ROBO1: variants seen among roughly 807,000 people sequenced by gnomAD.
The protein encoded by ROBO1 is roundabout guidance receptor 1.
Under a neutral mutation model 195.9 loss-of-function variants are expected in ROBO1, and 149 were observed. That is an observed-to-expected ratio of 0.76 (90% confidence interval 0.67 to 0.87). The LOEUF (loss-of-function observed/expected upper bound fraction) is 0.87. ROBO1 is among the 40% of genes least tolerant of loss of function. The pLI is 0.00. For synonymous variants in ROBO1, 816 were observed against 733.2 expected (o/e 1.11, Z -1.82); for missense variants, 1,933 against 2,068.3 (o/e 0.93, Z 1.27).
chr3:79,673,092 C>A (rs1946677506), intron 1 of ROBO1, among the ~76,000 whole-genome samples: 1 of 151,962 alleles, frequency 6.6e-6, no homozygotes, highest in Admixed American at 6.6e-5. Flanking sequence ...CTTTTCCAAT[C>A]TGCCTGAAAG....
At chr3:79,715,555 G>A (rs1198108765) in intron 1 of ROBO1, among the ~76,000 whole-genome samples, 3 of 152,118 alleles carry the variant, frequency 2.0e-5, no homozygotes, top group Non-Finnish European at 4.4e-5. Flanking sequence ...ACAGTATTAT[G>A]TAAACATAAC....
rs1390685226 is a variant in ROBO1, at chr3:79,293,383, T to C, written c.89-167844A>G. ...CTTTTTATATATCTATCTTTTTCAG[T>C]TCTGCTCTGCTCTTAGTTATTTCTT... On this transcript the variant is annotated intron_variant, in intron 2 of 30. Coordinates refer to ENST00000464233, the MANE Select transcript of ROBO1 (RefSeq NM_002941.4). Among the ~76,000 whole-genome samples, 6 of 152,218 alleles carry C rather than the reference T, an allele frequency of 3.9e-5. No individual in the cohort carries two copies. In the South Asian group the frequency reaches 1.2e-3, roughly 32 times the overall value.
chr3:79,392,809 A>T (rs754678268), intron 2 of ROBO1, among the ~76,000 whole-genome samples: 92 of 152,198 alleles, frequency 6.0e-4, no homozygotes, highest in Non-Finnish European at 8.4e-4. Context: ...GATTATTTAA[A>T]AAGCTATAAC....
chr3:78,927,731 A>G (rs951313154), intron 4 of ROBO1, among the ~76,000 whole-genome samples: 3 of 152,204 alleles, frequency 2.0e-5, no homozygotes, highest in African/African-American at 7.2e-5. Context: ...TAAAACACAG[A>G]CCATGTACTG....
intron 2 of ROBO1, among the ~76,000 whole-genome samples, chr3:79,288,541 T>C (rs1473449983): frequency 6.6e-6 from 1 of 152,220 alleles, no homozygotes; most frequent in African/African-American, 2.4e-5. Flanking sequence ...AACTTGAGTA[T>C]AGAGTTTGCC....
intron 4 of ROBO1, among the ~76,000 whole-genome samples, chr3:78,903,519 C>T (rs1406734288): frequency 6.6e-6 from 1 of 150,842 alleles, no homozygotes; most frequent in Non-Finnish European, 1.5e-5. Flanking sequence ...TTTAGATTTA[C>T]TTTAATAGAA....
rs545343408 is a variant in ROBO1, at chr3:78,773,819, C to CT, written c.500-26920dup. 2.1e-4 allele frequency among the ~76,000 whole-genome samples: 32 copies of CT among 152,222 alleles called. No homozygotes were observed. The East Asian group carries it at 5.6e-3, about 27-fold the overall frequency. The stretch of plus-strand genomic sequence containing the variant: ...CACAAAAATGTTGGTTGCCAAATAT[C>CT]TTTATTACCCATCATATTAGTTTTA... On this transcript the variant is annotated intron_variant, in intron 4 of 30. Coordinates refer to ENST00000464233, the MANE Select transcript of ROBO1 (RefSeq NM_002941.4).
intron 4 of ROBO1, among the ~76,000 whole-genome samples, chr3:78,772,957 G>A (rs1327836632): frequency 1.3e-5 from 2 of 152,062 alleles, no homozygotes; most frequent in Non-Finnish European, 2.9e-5. Context: ...TTGAAACCCT[G>A]AGGGCAAGAA....
chr3:79,332,636 T>G (rs1024934390), intron 2 of ROBO1, among the ~76,000 whole-genome samples: 1 of 152,084 alleles, frequency 6.6e-6, no homozygotes. Context: ...AGGGGTGCAA[T>G]GGGGACAGCT....
intron 4 of ROBO1, among the ~76,000 whole-genome samples, chr3:78,920,638 T>G (rs2038890671): frequency 7.2e-6 from 1 of 138,266 alleles, no homozygotes; most frequent in East Asian, 2.1e-4. Flanking sequence ...TTTTTTTTTT[T>G]TTTTTTTTTT....
At chr3:78,804,355 G>T (rs2084465208) in intron 4 of ROBO1, among the ~76,000 whole-genome samples, 1 of 151,862 alleles carries the variant, frequency 6.6e-6, no homozygotes, top group African/African-American at 2.4e-5. Flanking sequence ...TATTAAAATG[G>T]AGTTAAGCTA....
chr3:79,680,453 G>T (rs1443539326), intron 1 of ROBO1, among the ~76,000 whole-genome samples: 1 of 151,978 alleles, frequency 6.6e-6, no homozygotes, highest in Non-Finnish European at 1.5e-5. Flanking sequence ...GTGAAGAAGT[G>T]GTATGAGTTA....
intron 19 of ROBO1, among the ~76,000 whole-genome samples, chr3:78,649,210 A>T (rs1206362573): frequency 6.6e-6 from 1 of 152,084 alleles, no homozygotes; most frequent in Non-Finnish European, 1.5e-5. Flanking sequence ...TTGCAATCAC[A>T]AGGACACCGG....
rs550022424 is a variant in ROBO1, at chr3:78,788,032, C to T, written c.500-41132G>A. Among the ~76,000 whole-genome samples the T allele has an allele frequency of 2.6e-3, 363 of 142,332 alleles. 3 individuals carry two copies. Among genetic ancestry groups the T allele is most frequent in the African/African-American group, 8.4e-3 (328 of 39,094 alleles). The allele number at this position is 142,332 out of a possible 152,430, so 93.4% of individuals were successfully genotyped here. Reference sequence around the variant, plus strand: ...TCGGCTCACTGCAAGCTCCACCTCCCGGGTTGACGCCATTCTCCTGCCTCA... The same window carrying T: ...TCGGCTCACTGCAAGCTCCACCTCCTGGGTTGACGCCATTCTCCTGCCTCA... On this transcript the variant is annotated intron_variant, in intron 4 of 30. Coordinates refer to ENST00000464233, the MANE Select transcript of ROBO1 (RefSeq NM_002941.4).
chr3:79,063,918 G>A (rs2078962995), intron 3 of ROBO1, among the ~76,000 whole-genome samples: 1 of 151,926 alleles, frequency 6.6e-6, no homozygotes, highest in Non-Finnish European at 1.5e-5. Flanking sequence ...GAGTAGAATA[G>A]AGGCCACCAG....
At chr3:78,990,038 G>T (rs1333054745) in intron 3 of ROBO1, among the ~76,000 whole-genome samples, 1 of 152,010 alleles carries the variant, frequency 6.6e-6, no homozygotes, top group Non-Finnish European at 1.5e-5. Flanking sequence ...TTTAATAATA[G>T]CAAGAGCCAC....
At chr3:79,128,247 C>G (rs977367544) in intron 2 of ROBO1, among the ~76,000 whole-genome samples, 5 of 152,076 alleles carry the variant, frequency 3.3e-5, no homozygotes, top group African/African-American at 1.2e-4. Flanking sequence ...TGAATTGAAA[C>G]AGGTTCAGCT....
intron 3 of ROBO1, among the ~76,000 whole-genome samples, chr3:78,960,781 C>CACACACACAAAA (rs1416947692): frequency 3.5e-3 from 15 of 4,332 alleles, no homozygotes; most frequent in African/African-American, 5.6e-3. Context: ...CGTATTAAAA[C>CACACACACAAAA]ACACACACAC....
intron 3 of ROBO1, among the ~76,000 whole-genome samples, chr3:78,978,170 A>G (rs554024671): frequency 6.6e-6 from 1 of 152,140 alleles, no homozygotes; most frequent in Non-Finnish European, 1.5e-5. Flanking sequence ...TACACATTAT[A>G]AATGACCTAT....
Sources: allele counts gnomAD v4.1 joint callset (sites outside exome capture counted in the v4.1 genomes callset), GRCh38; gene constraint gnomAD v4.1.1; transcripts MANE v1.5; gene names NCBI Gene and HGNC (gene_info 2026-07-23, HGNC 2026-07-21).